KIRREL3: variants seen among roughly 807,000 people sequenced by gnomAD.
KIRREL3 encodes kirre like nephrin family adhesion molecule 3, also known as kin of IRRE-like protein 3.
KIRREL3 carries 36 observed loss-of-function variants against 89.7 expected under a neutral mutation model. The ratio of observed to expected loss-of-function variants is 0.40; its 90% CI spans 0.31 to 0.53. The LOEUF (loss-of-function observed/expected upper bound fraction) is 0.53. KIRREL3 is among the 20% of genes least tolerant of loss of function. KIRREL3 has a pLI of 0.49. For synonymous variants in KIRREL3, 445 were observed against 441.4 expected, an observed-to-expected ratio of 1.01 and a Z score of -0.10; for missense variants, 864 against 1,056.6, an observed-to-expected ratio of 0.82 and a Z score of 2.53.
Position 126,769,200 on chromosome 11 carries a change from C to T in KIRREL3, c.56-206288G>A, listed in dbSNP as rs915118366. Among the ~76,000 whole-genome samples the T allele has an allele frequency of 3.3e-5, 5 of 152,184 alleles. No individual in the cohort carries two copies. Among genetic ancestry groups the T allele is most frequent in the Non-Finnish European group, 7.3e-5 (5 of 68,038 alleles). ...TTCCCTTCCTCCTACGCTTTCAACA[C>T]ATCTCTAATATGGCACACGGTGTAA... On this transcript the variant is annotated intron_variant, in intron 1 of 16. Coordinates refer to ENST00000525144, the MANE Select transcript of KIRREL3 (RefSeq NM_032531.4). This position sits in a 1 kb window ranked among gnomAD's most constrained non-coding sequence, Gnocchi z 4.3.
At chr11:126,941,092 T>C (rs1948428200) in intron 1 of KIRREL3, among the ~76,000 whole-genome samples, 1 of 152,200 alleles carries the variant, frequency 6.6e-6, no homozygotes, top group South Asian at 2.1e-4. Flanking sequence ...TTCATGATGT[T>C]ATTTCAATTG....
intron 1 of KIRREL3, among the ~76,000 whole-genome samples, chr11:126,868,472 T>G (rs1382939989): frequency 1.3e-5 from 2 of 152,152 alleles, no homozygotes; most frequent in African/African-American, 2.4e-5. Context: ...AAATTGCCCC[T>G]GATTCACAGC....
chr11:126,588,759 C>A (rs1941993813), intron 1 of KIRREL3, among the ~76,000 whole-genome samples: 1 of 152,184 alleles, frequency 6.6e-6, no homozygotes, highest in African/African-American at 2.4e-5. Flanking sequence ...TGATAAATCC[C>A]AAGCACCTAG....
rs1298110301 is a variant in KIRREL3 at position 126,427,704 on chromosome 11, G to T, written c.1806+1475C>A. On this transcript the variant is annotated intron_variant, in intron 15 of 16. Transcript: ENST00000525144. The surrounding 1 kb of genome is among the most constrained non-coding windows in gnomAD (Gnocchi z 5.3). Reference sequence around the variant, plus strand: ...AAGTTGGGCTTTGTCCAGCAGATGTGGGGAGCCACCGAGGGATTTTAAGTG... The same window carrying T: ...AAGTTGGGCTTTGTCCAGCAGATGTTGGGAGCCACCGAGGGATTTTAAGTG... Among the ~76,000 whole-genome samples the T allele has an allele frequency of 6.6e-6, 1 of 152,194 alleles. No homozygotes were observed. Among genetic ancestry groups the T allele is most frequent in the Admixed American group, 6.5e-5 (1 of 15,276 alleles).
rs141352694 is a variant in KIRREL3 at position 126,879,976 on chromosome 11, A to T, written c.55+120479T>A. Among the ~76,000 whole-genome samples, 22 of 152,320 alleles carry T rather than the reference A, an allele frequency of 1.4e-4. No individual in the cohort carries two copies. The East Asian group carries it at 4.2e-3, about 29-fold the overall frequency. ...GTATGTACTGGGAAGTCTTGTGCCT[A>T]TGGAAATTCCTTGAGATAGAAAAGC... On this transcript the variant is annotated intron_variant, in intron 1 of 16. Coordinates refer to ENST00000525144, the MANE Select transcript of KIRREL3 (RefSeq NM_032531.4). The surrounding 1 kb of genome is among the most constrained non-coding windows in gnomAD (Gnocchi z 5.4).
rs778400482 is a variant in KIRREL3, at chr11:126,664,051, G to A, written c.56-101139C>T. Among the ~76,000 whole-genome samples, 2 of 152,208 alleles carry A rather than the reference G, an allele frequency of 1.3e-5. No individual in the cohort carries two copies. Among genetic ancestry groups the A allele is most frequent in the Non-Finnish European group, 2.9e-5 (2 of 68,040 alleles). ...CCCCTGGCACAAGGGAAATTAACCA[G>A]ACTCTGCATGTTGTGGGAATTCTGC... On this transcript the variant is annotated intron_variant, in intron 1 of 16. Coordinates refer to ENST00000525144, the MANE Select transcript of KIRREL3 (RefSeq NM_032531.4). This position sits in a 1 kb window ranked among gnomAD's most constrained non-coding sequence, Gnocchi z 5.4.
Position 126,837,284 on chromosome 11 carries a change from G to C in KIRREL3, c.55+163171C>G, listed in dbSNP as rs147904320. Among the ~76,000 whole-genome samples, 180 of 152,298 alleles carry C rather than the reference G, an allele frequency of 1.2e-3. No homozygotes were observed. Among genetic ancestry groups the C allele is most frequent in the African/African-American group, 4.1e-3 (171 of 41,558 alleles). On this transcript the variant is annotated intron_variant, in intron 1 of 16. Transcript: ENST00000525144. This position sits in a 1 kb window ranked among gnomAD's most constrained non-coding sequence, Gnocchi z 4.7. ...ATACATGTAAGAACACTTGCTCTGTGTCTGACAGCTAGTAAATGTTCAATA... is the reference window on the plus strand; with the variant it reads ...ATACATGTAAGAACACTTGCTCTGTCTCTGACAGCTAGTAAATGTTCAATA...
chr11:126,770,021 C>T lies in KIRREL3; in HGVS notation c.56-207109G>A, dbSNP rs541601290. Among the ~76,000 whole-genome samples the T allele has an allele frequency of 4.6e-5, 7 of 152,230 alleles. No homozygotes were observed. In the South Asian group the frequency reaches 1.2e-3, roughly 27 times the overall value. ...GGATGTGCAGATCCCATTAAAATAT[C>T]CTGGTTGGGCTCTGGGTAGGTGTGT... On this transcript the variant is annotated intron_variant, in intron 1 of 16. Transcript: ENST00000525144.
In KIRREL3 at chr11:126,566,055, A is replaced by C. The variant is rs1331873229; in HGVS notation, c.56-3143T>G. Among the ~76,000 whole-genome samples, 1 of 152,172 alleles carries C rather than the reference A, an allele frequency of 6.6e-6. No homozygotes were observed. The highest frequency in any genetic ancestry group is 2.4e-5 in the African/African-American group (1 of 41,448). Reference sequence around the variant, plus strand: ...CATTTTGGAACAGTAAGATGATGGGATCTTCTCCAAGTAGGCTTTGGGGGT... The same window carrying C: ...CATTTTGGAACAGTAAGATGATGGGCTCTTCTCCAAGTAGGCTTTGGGGGT... On this transcript the variant is annotated intron_variant, in intron 1 of 16. Coordinates refer to ENST00000525144, the MANE Select transcript of KIRREL3 (RefSeq NM_032531.4). This position sits in a 1 kb window ranked among gnomAD's most constrained non-coding sequence, Gnocchi z 4.9.
chr11:126,475,333 T>A lies in KIRREL3; in HGVS notation c.434-1867A>T, dbSNP rs1957035099. Among the ~76,000 whole-genome samples the A allele has an allele frequency of 6.6e-6, 1 of 152,102 alleles. No individual in the cohort carries two copies. The highest frequency in any genetic ancestry group is 1.5e-5 in the Non-Finnish European group (1 of 68,006). ...TCTCAGGGGATCGCCCCGTCAGCCCTTCTCCTAGTCCACTCCGGCTTCTGT... is the reference window on the plus strand; with the variant it reads ...TCTCAGGGGATCGCCCCGTCAGCCCATCTCCTAGTCCACTCCGGCTTCTGT... On this transcript the variant is annotated intron_variant, in intron 4 of 16. Transcript: ENST00000525144. This position sits in a 1 kb window ranked among gnomAD's most constrained non-coding sequence, Gnocchi z 7.5.
rs962947481 is a variant in KIRREL3 at position 126,843,644 on chromosome 11, C to T, written c.55+156811G>A. 6.6e-6 allele frequency among the ~76,000 whole-genome samples: 1 copy of T among 152,124 alleles called. No homozygotes were observed. The highest frequency in any genetic ancestry group is 2.4e-5 in the African/African-American group (1 of 41,424). On this transcript the variant is annotated intron_variant, in intron 1 of 16. Transcript: ENST00000525144. The surrounding 1 kb of genome is among the most constrained non-coding windows in gnomAD (Gnocchi z 4.6). ...TGAATAGGGGCTGGGTAAAATAAGG[C>T]TAACTTATTTAGCCTTAAAATAATT... is the stretch of plus-strand genomic sequence containing the variant.
chr11:127,000,674 G>A lies in KIRREL3; in HGVS notation c.-165C>T, dbSNP rs1681248853. On this transcript the variant is annotated 5_prime_UTR_variant, in exon 1 of 17. Transcript: ENST00000525144. This position sits in a 1 kb window ranked among gnomAD's most constrained non-coding sequence, Gnocchi z 7.1. Reference sequence around the variant, plus strand: ...TGGCTTCGGTCTCTTTGTGCCTCTGGGTATCTGCAGCCAGCCGACACAAAC... The same window carrying A: ...TGGCTTCGGTCTCTTTGTGCCTCTGAGTATCTGCAGCCAGCCGACACAAAC... 2 of 585,348 alleles carry A rather than the reference G, an allele frequency of 3.4e-6. No homozygotes were observed. Among genetic ancestry groups the A allele is most frequent in the Non-Finnish European group, 5.9e-6 (2 of 336,954 alleles). The allele number at this position is 585,348 out of a possible 1,614,324, so 36.3% of individuals were successfully genotyped here.
chr11:126,775,052 C>A (rs1381497720), intron 1 of KIRREL3, among the ~76,000 whole-genome samples: 1 of 152,132 alleles, frequency 6.6e-6, no homozygotes, highest in Non-Finnish European at 1.5e-5. Context: ...AACTGGTAAC[C>A]AGTTGTCTGC....
intron 1 of KIRREL3, among the ~76,000 whole-genome samples, chr11:126,934,082 T>C (rs1011345635): frequency 2.0e-5 from 3 of 151,516 alleles, no homozygotes. Flanking sequence ...GTTACAGTAA[T>C]CCACACAGTG....
rs1950012275 is a variant in KIRREL3, at chr11:126,990,706, T to A, written c.55+9749A>T. Among the ~76,000 whole-genome samples, 1 of 152,190 alleles carries A rather than the reference T, an allele frequency of 6.6e-6. No homozygotes were observed. Among genetic ancestry groups the A allele is most frequent in the African/African-American group, 2.4e-5 (1 of 41,454 alleles). ...CAGCTTCCTATGTAAGAAAAAGGCT[T>A]CAGAGGGCATCTCCCTGAAGAAACA... On this transcript the variant is annotated intron_variant, in intron 1 of 16. Coordinates refer to ENST00000525144, the MANE Select transcript of KIRREL3 (RefSeq NM_032531.4). The surrounding 1 kb of genome is among the most constrained non-coding windows in gnomAD (Gnocchi z 6.3).
chr11:126,650,733 A>G (rs1209133388), intron 1 of KIRREL3, among the ~76,000 whole-genome samples: 2 of 151,594 alleles, frequency 1.3e-5, no homozygotes, highest in Non-Finnish European at 1.5e-5. Context: ...GGGCCCTCTA[A>G]CCTCTCCCTG....
chr11:126,563,093 T>C lies in KIRREL3; in HGVS notation c.56-181A>G, dbSNP rs1386737662. Among the ~76,000 whole-genome samples, 2 of 152,260 alleles carry C rather than the reference T, an allele frequency of 1.3e-5. No individual in the cohort carries two copies. Among genetic ancestry groups the C allele is most frequent in the East Asian group, 1.9e-4 (1 of 5,206 alleles). On this transcript the variant is annotated intron_variant, in intron 1 of 16. Coordinates refer to ENST00000525144, the MANE Select transcript of KIRREL3 (RefSeq NM_032531.4). This position sits in a 1 kb window ranked among gnomAD's most constrained non-coding sequence, Gnocchi z 6.8. Reference sequence around the variant, plus strand: ...AAGTTTAAGCCAGCAATTCTTCATTTTGATTCTCATAACAACCCTGTGAAG... The same window carrying C: ...AAGTTTAAGCCAGCAATTCTTCATTCTGATTCTCATAACAACCCTGTGAAG...
chr11:126,976,034 AT>A lies in KIRREL3; in HGVS notation c.55+24420del, dbSNP rs1275078250. Among the ~76,000 whole-genome samples, 2 of 150,534 alleles carry A rather than the reference AT, an allele frequency of 1.3e-5. No homozygotes were observed. The highest frequency in any genetic ancestry group is 6.7e-5 in the Admixed American group (1 of 14,970). On this transcript the variant is annotated intron_variant, in intron 1 of 16. Transcript: ENST00000525144. The surrounding 1 kb of genome is among the most constrained non-coding windows in gnomAD (Gnocchi z 4.2). ...GTGGCTCTCAGGACAGAGCATACCC[AT>A]TCCAGATGTGGGTCACATCAGCAGA...
chr11:126,887,248 A>G (rs1235510029), intron 1 of KIRREL3, among the ~76,000 whole-genome samples: 1 of 152,212 alleles, frequency 6.6e-6, no homozygotes, highest in African/African-American at 2.4e-5. Context: ...ATAATTGCCC[A>G]GGTTCCATTT....
Sources: gnomAD v4.1 joint callset for allele counts (sites outside exome capture counted in the v4.1 genomes callset) on GRCh38, gnomAD v4.1.1 for gene constraint, Gnocchi (gnomAD v3.1) non-coding constraint, MANE v1.5 for transcripts, NCBI Gene and HGNC (gene_info 2026-07-23, HGNC 2026-07-21) for gene names.